Variants in GTF2H1 observed in about 807,000 individuals in gnomAD.
The protein encoded by GTF2H1 is general transcription factor IIH subunit 1, also known as BTF2 p62.
A neutral mutation model predicts 71.2 loss-of-function variants in GTF2H1; 16 were observed. That is an observed-to-expected ratio of 0.22 (90% confidence interval 0.15 to 0.34). The LOEUF (loss-of-function observed/expected upper bound fraction) is 0.34, where lower values mean the gene tolerates loss of function less well. GTF2H1 is among the 10% of genes least tolerant of loss of function. GTF2H1 has a pLI of 1.00. For synonymous variants in GTF2H1, 215 were observed against 219.0 expected (o/e 0.98, Z 0.16); for missense variants, 498 against 648.2 (o/e 0.77, Z 2.52).
chr11:18,345,560 G>A lies in GTF2H1; in HGVS notation c.838-2028G>A, dbSNP rs986335760. On this transcript the variant is annotated intron_variant, in intron 7 of 14. Transcript: ENST00000265963. The stretch of plus-strand genomic sequence containing the variant: ...TTTGCCCAGGCTGGAGTTCAGTGGC[G>A]TGATCTCAGCTCACTGCAATCTCTG... 2.7e-5 allele frequency among the ~76,000 whole-genome samples: 4 copies of A among 149,756 alleles called. No homozygotes were observed. The Admixed American group carries it at 2.7e-4, about 10-fold the overall frequency.
At chr11:18,358,273 A>G (rs1350950645) in intron 12 of GTF2H1, among the ~76,000 whole-genome samples, 2 of 152,270 alleles carry the variant, frequency 1.3e-5, no homozygotes, top group Non-Finnish European at 2.9e-5. Flanking sequence ...CTAATATCAT[A>G]GTAAAAGCTC....
At chr11:18,354,926 A>G (rs1283844900) in intron 11 of GTF2H1, among the ~76,000 whole-genome samples, 1 of 151,698 alleles carries the variant, frequency 6.6e-6, no homozygotes, top group African/African-American at 2.4e-5. Flanking sequence ...CTCCCACCTC[A>G]GCCCCCCAAG....
chr11:18,353,964 A>G (rs1346526280), intron 11 of GTF2H1, among the ~76,000 whole-genome samples: 2 of 152,202 alleles, frequency 1.3e-5, no homozygotes, highest in Non-Finnish European at 2.9e-5. Flanking sequence ...TATACCACTA[A>G]TGTTCTACAT....
chr11:18,329,799 C>G (rs571552922), intron 1 of GTF2H1, among the ~76,000 whole-genome samples: 3 of 152,306 alleles, frequency 2.0e-5, no homozygotes, highest in African/African-American at 2.4e-5. Context: ...CAATTTATAA[C>G]CAAACTATGT....
intron 3 of GTF2H1, among the ~76,000 whole-genome samples, chr11:18,336,520 T>C (rs1565007529): frequency 6.6e-6 from 1 of 152,184 alleles, no homozygotes; most frequent in African/African-American, 2.4e-5. Flanking sequence ...TTTAAAATCT[T>C]ACTGCTTGTT....
chr11:18,338,788 A>T (rs1056276059), intron 4 of GTF2H1, among the ~76,000 whole-genome samples: 23 of 152,162 alleles, frequency 1.5e-4, no homozygotes, highest in South Asian at 4.1e-4. Flanking sequence ...AATTTTTTTT[A>T]AATTTATATT....
chr11:18,356,377 C>CA (rs771914874), intron 11 of GTF2H1, among the ~76,000 whole-genome samples: 6,528 of 76,626 alleles, frequency 0.085, 400 homozygotes, highest in African/African-American at 0.2. Flanking sequence ...GACTCTGTCT[C>CA]AAAAAAAAAA....
chr11:18,338,527 T>G (rs1165732176), intron 4 of GTF2H1, among the ~76,000 whole-genome samples: 3 of 152,170 alleles, frequency 2.0e-5, no homozygotes, highest in Admixed American at 2.0e-4. Flanking sequence ...CCCTGCAGCC[T>G]CAAACTCCTG....
chr11:18,356,218 A>G (rs1291852241), intron 11 of GTF2H1, among the ~76,000 whole-genome samples: 1 of 152,010 alleles, frequency 6.6e-6, no homozygotes, highest in Non-Finnish European at 1.5e-5. Flanking sequence ...TCTCTACCAA[A>G]AATACAAAAA....
chr11:18,364,872 C>T (rs575779497), intron 14 of GTF2H1, among the ~76,000 whole-genome samples: 2 of 152,198 alleles, frequency 1.3e-5, no homozygotes, highest in Admixed American at 6.5e-5. Flanking sequence ...TCTTGGGTCT[C>T]ATCCCAGGCC....
At chr11:18,363,483 A>G (rs1379085642) in intron 14 of GTF2H1, among the ~76,000 whole-genome samples, 1 of 152,190 alleles carries the variant, frequency 6.6e-6, no homozygotes, top group Non-Finnish European at 1.5e-5. Context: ...TGGGACCGCC[A>G]TCATATATGC....
intron 1 of GTF2H1, among the ~76,000 whole-genome samples, chr11:18,326,524 A>AT (rs1340936987): frequency 6.6e-6 from 1 of 151,374 alleles, no homozygotes; most frequent in Non-Finnish European, 1.5e-5. Context: ...TCCTTCTCAA[A>AT]AAAAAAAAGG....
intron 1 of GTF2H1, among the ~76,000 whole-genome samples, chr11:18,329,093 G>A (rs1864837005): frequency 6.6e-6 from 1 of 152,108 alleles, no homozygotes; most frequent in South Asian, 2.1e-4. Flanking sequence ...GGACTTGAAT[G>A]TATTTTATGA....
At chr11:18,365,760 A>G (rs1160603595) in intron 14 of GTF2H1, 23 bp from the exon 15 acceptor site, 1 of 1,556,692 alleles carries the variant, frequency 6.4e-7, no homozygotes, top group Admixed American at 1.7e-5. Flanking sequence ...CCCAGTTGTT[A>G]AGTGTCTTGC....
intron 7 of GTF2H1, among the ~76,000 whole-genome samples, chr11:18,345,796 GT>G (rs1554955087): frequency 1.0e-4 from 13 of 125,182 alleles, no homozygotes; most frequent in Non-Finnish European, 1.2e-4. Flanking sequence ...GCACATATGA[GT>G]TTTTTTTTTT....
intron 14 of GTF2H1, among the ~76,000 whole-genome samples, chr11:18,364,198 C>G (rs1865768973): frequency 6.6e-6 from 1 of 152,136 alleles, no homozygotes; most frequent in African/African-American, 2.4e-5. Flanking sequence ...TTTATAGTTT[C>G]CAGACAGAGC....
chr11:18,325,523 C>G (rs887027859), intron 1 of GTF2H1, among the ~76,000 whole-genome samples: 1 of 152,142 alleles, frequency 6.6e-6, no homozygotes, highest in Admixed American at 6.5e-5. Flanking sequence ...TACAGAGAAC[C>G]CGACATATAT....
intron 11 of GTF2H1, among the ~76,000 whole-genome samples, chr11:18,357,586 G>A (rs913871909): frequency 6.6e-6 from 1 of 152,088 alleles, no homozygotes; most frequent in Admixed American, 6.6e-5. Context: ...AAAGGATACA[G>A]GTTAACATGT....
At chr11:18,361,310 C>A (rs1056725989) in intron 14 of GTF2H1, among the ~76,000 whole-genome samples, 2 of 152,164 alleles carry the variant, frequency 1.3e-5, no homozygotes, top group Non-Finnish European at 2.9e-5. Flanking sequence ...CTCTCTTCCC[C>A]TCCAGAGGTC....
Sources: gnomAD v4.1 joint callset for allele counts (sites outside exome capture counted in the v4.1 genomes callset) on GRCh38, gnomAD v4.1.1 for gene constraint, MANE v1.5 for transcripts, NCBI Gene and HGNC (gene_info 2026-07-23, HGNC 2026-07-21) for gene names.